CADM1: variants seen among roughly 807,000 people sequenced by gnomAD.
The protein encoded by CADM1 is TSLC-1.
CADM1 carries 15 observed loss-of-function variants against 53.1 expected under a neutral mutation model. The observed-to-expected ratio is 0.28, with a 90% CI of 0.19 to 0.44. The LOEUF (loss-of-function observed/expected upper bound fraction) is 0.44, where lower values mean the gene tolerates loss of function less well. Ranked by LOEUF, CADM1 falls within the 20% of genes least tolerant of loss-of-function variation. The pLI is 1.00. For synonymous variants in CADM1, 281 were observed against 243.0 expected, an observed-to-expected ratio of 1.16 and a Z score of -1.45; for missense variants, 434 against 611.3, an observed-to-expected ratio of 0.71 and a Z score of 3.06.
At chr11:115,414,450 C>T (rs942303581) in intron 1 of CADM1, among the ~76,000 whole-genome samples, 2 of 151,944 alleles carry the variant, frequency 1.3e-5, no homozygotes, top group Middle Eastern at 3.2e-3. Flanking sequence ...GGTCTCTGGA[C>T]GATTCTATAC....
At chr11:115,446,206 T>G (rs1260301956) in intron 1 of CADM1, among the ~76,000 whole-genome samples, 2 of 152,174 alleles carry the variant, frequency 1.3e-5, no homozygotes, top group African/African-American at 4.8e-5. Flanking sequence ...TTTTCCTTAC[T>G]CCTCATCAGA....
At chr11:115,333,355 A>G (rs1945181008) in intron 1 of CADM1, among the ~76,000 whole-genome samples, 1 of 152,168 alleles carries the variant, frequency 6.6e-6, no homozygotes, top group Non-Finnish European at 1.5e-5. Flanking sequence ...TGAGAGATCG[A>G]GAGAGAAAGA....
intron 1 of CADM1, among the ~76,000 whole-genome samples, chr11:115,414,123 A>G (rs942252465): frequency 1.3e-5 from 2 of 152,206 alleles, no homozygotes. Context: ...CTGCCTTAAA[A>G]TGAAGCCCTC....
chr11:115,394,027 T>C (rs1337489803), intron 1 of CADM1, among the ~76,000 whole-genome samples: 1 of 152,202 alleles, frequency 6.6e-6, no homozygotes, highest in Non-Finnish European at 1.5e-5. Flanking sequence ...TCATAGTATG[T>C]ACAGGTAGAG....
At chr11:115,308,164 T>C (rs1944429794) in intron 1 of CADM1, among the ~76,000 whole-genome samples, 1 of 145,882 alleles carries the variant, frequency 6.9e-6, no homozygotes, top group African/African-American at 2.7e-5. Flanking sequence ...TGTGTGTGTG[T>C]GTGTGTGTGT....
chr11:115,426,358 CTT>C (rs887794308), intron 1 of CADM1, among the ~76,000 whole-genome samples: 8 of 152,154 alleles, frequency 5.3e-5, no homozygotes, highest in African/African-American at 1.9e-4. Context: ...TTCACAGAGA[CTT>C]TTGATTTCAG....
chr11:115,473,288 CT>C (rs1033428069), intron 1 of CADM1, among the ~76,000 whole-genome samples: 1 of 152,038 alleles, frequency 6.6e-6, no homozygotes, highest in Non-Finnish European at 1.5e-5. Flanking sequence ...GCAAGGCCCC[CT>C]ATCTACAAAA....
chr11:115,330,178 C>T (rs1426223876), intron 1 of CADM1, among the ~76,000 whole-genome samples: 1 of 151,916 alleles, frequency 6.6e-6, no homozygotes, highest in East Asian at 1.9e-4. Context: ...CTGTCCATAT[C>T]AACTGGATGA....
chr11:115,321,042 T>A (rs75829632), intron 1 of CADM1, among the ~76,000 whole-genome samples: 12,897 of 152,252 alleles, frequency 0.085, 691 homozygotes, highest in Middle Eastern at 0.14. Context: ...TGAATGTATT[T>A]CATTTTGATG....
chr11:115,433,284 G>A (rs1948102976), intron 1 of CADM1, among the ~76,000 whole-genome samples: 2 of 152,126 alleles, frequency 1.3e-5, no homozygotes, highest in South Asian at 4.2e-4. Flanking sequence ...AATGCATTAG[G>A]AAAAATGCCA....
In CADM1 at chr11:115,420,959, T is replaced by C. The variant is rs1196188374; in HGVS notation, c.124+83312A>G. On this transcript the variant is annotated intron_variant, in intron 1 of 11. Transcript: ENST00000331581. ...AGTTAATTCCCTACTGCTTTCATACTCTATCATCCAGTGGAGCATTTTCTA... is the reference window on the plus strand; with the variant it reads ...AGTTAATTCCCTACTGCTTTCATACCCTATCATCCAGTGGAGCATTTTCTA... 2.0e-5 allele frequency among the ~76,000 whole-genome samples: 3 copies of C among 152,206 alleles called. 1 individual carries two copies. The highest frequency in any genetic ancestry group is 4.4e-5 in the Non-Finnish European group (3 of 68,042).
chr11:115,240,207 A>G (rs1252342125), intron 2 of CADM1, 67 bp downstream of exon 2: 2 of 1,507,796 alleles, frequency 1.3e-6, no homozygotes, highest in African/African-American at 2.8e-5. Context: ...GGCCTTAGCA[A>G]TCTCTTTATC....
intron 1 of CADM1, among the ~76,000 whole-genome samples, chr11:115,270,722 C>A (rs1235716974): frequency 6.6e-6 from 1 of 152,208 alleles, no homozygotes; most frequent in African/African-American, 2.4e-5. Context: ...CTCACCCCCA[C>A]TCCCAATAAA....
chr11:115,217,583 A>G (rs1436937114), intron 6 of CADM1, among the ~76,000 whole-genome samples: 3 of 152,180 alleles, frequency 2.0e-5, no homozygotes, highest in Non-Finnish European at 4.4e-5. Context: ...TTGTAGGGAC[A>G]CCAATAATTT....
chr11:115,479,210 G>A (rs1229222753), intron 1 of CADM1, among the ~76,000 whole-genome samples: 1 of 151,844 alleles, frequency 6.6e-6, no homozygotes, highest in Non-Finnish European at 1.5e-5. Flanking sequence ...AAAATTAATT[G>A]CATAGGAATT....
chr11:115,443,302 C>T (rs552180199), intron 1 of CADM1, among the ~76,000 whole-genome samples: 9 of 152,274 alleles, frequency 5.9e-5, no homozygotes, highest in Admixed American at 4.6e-4. Context: ...TCATTCTCAC[C>T]ACCACTCTCT....
intron 1 of CADM1, among the ~76,000 whole-genome samples, chr11:115,317,990 A>ACG (rs896477613): frequency 9.1e-6 from 1 of 110,484 alleles, no homozygotes; most frequent in African/African-American, 4.6e-5. Flanking sequence ...CACTACACAC[A>ACG]CACACACACA....
At chr11:115,450,064 G>A (rs1191834597) in intron 1 of CADM1, among the ~76,000 whole-genome samples, 1 of 151,798 alleles carries the variant, frequency 6.6e-6, no homozygotes, top group African/African-American at 2.4e-5. Flanking sequence ...TGGAAAAAAA[G>A]CTGCTTTCAC....
rs574255316 is a variant in CADM1, at chr11:115,422,912, G to A, written c.124+81359C>T. 1.2e-4 allele frequency among the ~76,000 whole-genome samples: 19 copies of A among 152,086 alleles called. No homozygotes were observed. The East Asian group carries it at 2.1e-3, about 17-fold the overall frequency. On this transcript the variant is annotated intron_variant, in intron 1 of 11. Coordinates refer to ENST00000331581, the MANE Select transcript of CADM1 (RefSeq NM_001301043.2). ...TTCTGTTTGTCAGAAAACCCCAAGC[G>A]AAGTTCAGTTTAACTGTTTTTAAAA...
Sources: gnomAD v4.1 joint callset for allele counts (sites outside exome capture counted in the v4.1 genomes callset) on GRCh38, gnomAD v4.1.1 for gene constraint, MANE v1.5 for transcripts, NCBI Gene and HGNC (gene_info 2026-07-23, HGNC 2026-07-21) for gene names.